The following TIMP2 variants were observed in gnomAD, a reference collection of about 807,000 sequenced individuals.
TIMP2 encodes TIMP metallopeptidase inhibitor 2, also known as metalloproteinase inhibitor 2.
In TIMP2, 5 loss-of-function variants were observed where a neutral mutation model predicts 24.3. That is an observed-to-expected ratio of 0.21 (90% CI 0.11 to 0.43). The LOEUF is 0.43. TIMP2 is among the 20% of genes least tolerant of loss of function. The pLI is 1.00. For missense variants in TIMP2, 221 were observed against 297.5 expected, an observed-to-expected ratio of 0.74 and a Z score of 1.89; for synonymous variants, 130 against 123.2, an observed-to-expected ratio of 1.06 and a Z score of -0.37.
chr17:78,869,247 T>C (rs2069647672), intron 3 of TIMP2, among the ~76,000 whole-genome samples: 1 of 150,762 alleles, frequency 6.6e-6, no homozygotes, highest in Non-Finnish European at 1.5e-5. Flanking sequence ...ATGGTGAGAC[T>C]TCTTTACCAA....
intron 1 of TIMP2, among the ~76,000 whole-genome samples, chr17:78,879,949 C>T (rs1033093848): frequency 1.3e-5 from 2 of 151,864 alleles, no homozygotes; most frequent in South Asian, 2.1e-4. Context: ...AAACCAAGGT[C>T]GCGGGAGACG....
Position 78,918,797 on chromosome 17 carries a change from G to A in TIMP2, c.130+6162C>T, listed in dbSNP as rs1014459648. Among the ~76,000 whole-genome samples the A allele has an allele frequency of 1.1e-4, 16 of 152,196 alleles. No individual in the cohort carries two copies. The East Asian group carries it at 2.7e-3, about 26-fold the overall frequency. On this transcript the variant is annotated intron_variant, in intron 1 of 4. Transcript: ENST00000262768. ...GCAGATCACTTGAGCTCAGGAGTTC[G>A]AGACCAGCCTGGGCAACATGGCGAA...
intron 3 of TIMP2, among the ~76,000 whole-genome samples, chr17:78,859,949 G>A (rs959443793): frequency 2.6e-5 from 4 of 152,152 alleles, no homozygotes; most frequent in Admixed American, 1.3e-4. Context: ...AAGAGGTCAT[G>A]CCACTACATT....
chr17:78,868,819 GCAGAAAGCTCTTTGAGCC>G (rs1400088143), intron 3 of TIMP2, among the ~76,000 whole-genome samples: 1 of 152,164 alleles, frequency 6.6e-6, no homozygotes, highest in Non-Finnish European at 1.5e-5. Flanking sequence ...TTCCATCACT[GCAGAAAGCTCTTTGAGCC>G]CAGTGGTTCT....
intron 1 of TIMP2, among the ~76,000 whole-genome samples, chr17:78,901,633 A>G (rs1006648554): frequency 6.6e-6 from 1 of 152,166 alleles, no homozygotes; most frequent in Non-Finnish European, 1.5e-5. Context: ...TAAGAGTACT[A>G]TGTGACCTAG....
At chr17:78,911,816 C>T (rs962679011) in intron 1 of TIMP2, among the ~76,000 whole-genome samples, 1 of 148,156 alleles carries the variant, frequency 6.7e-6, no homozygotes, top group Admixed American at 6.9e-5. Flanking sequence ...GAGGCCATGG[C>T]GGGTGGATCA....
chr17:78,857,134 G>A (rs747993439), intron 4 of TIMP2: 2 of 210,718 alleles, frequency 9.5e-6, no homozygotes, highest in Admixed American at 5.2e-5. Flanking sequence ...GATCACAGGC[G>A]TGCACCACCT....
At chr17:78,908,158 G>GCC (rs1277817969) in intron 1 of TIMP2, among the ~76,000 whole-genome samples, 1 of 152,008 alleles carries the variant, frequency 6.6e-6, no homozygotes, top group Non-Finnish European at 1.5e-5. Flanking sequence ...AAAAGAAAAA[G>GCC]CTATACCATG....
At chr17:78,917,681 A>G (rs1568009193) in intron 1 of TIMP2, among the ~76,000 whole-genome samples, 2 of 152,144 alleles carry the variant, frequency 1.3e-5, no homozygotes, top group Admixed American at 6.5e-5. Flanking sequence ...CGTCTTCCCC[A>G]TGGAAGACAA....
chr17:78,890,974 C>T (rs1644656880), intron 1 of TIMP2: 1 of 1,551,084 alleles, frequency 6.4e-7, no homozygotes, highest in African/African-American at 1.4e-5. Flanking sequence ...GTCTTCTCTG[C>T]TCCATCTCTG....
chr17:78,855,596 G>A lies in TIMP2; in HGVS notation c.*71C>T. On this transcript the variant is annotated 3_prime_UTR_variant, in exon 5 of 5. Transcript: ENST00000262768. This position sits in a 1 kb window ranked among gnomAD's most constrained non-coding sequence, Gnocchi z 6.0. ...ATTCATGCTGTTTCCAGGAAGGGAT[G>A]TCAGAGCTGGACCAGTCGAAACCCT... 1.3e-6 allele frequency: 2 copies of A among 1,531,248 alleles called. No homozygotes were observed. Among genetic ancestry groups the A allele is most frequent in the Non-Finnish European group, 1.8e-6 (2 of 1,122,634 alleles). The allele number at this position is 1,531,248 out of a possible 1,614,324, so 94.9% of individuals were successfully genotyped here.
In TIMP2 at chr17:78,891,079, G is replaced by A. The variant is rs1419127487; in HGVS notation, c.131-17160C>T. The stretch of plus-strand genomic sequence containing the variant: ...AGCCCTCTGCCAGCGTGCCCAGTTT[G>A]GGGGTCTCTTGTCCAGATTCAGTGC... On this transcript the variant is annotated intron_variant, in intron 1 of 4. Transcript: ENST00000262768. This position sits in a 1 kb window ranked among gnomAD's most constrained non-coding sequence, Gnocchi z 4.5. 18 of 1,550,966 alleles carry A rather than the reference G, an allele frequency of 1.2e-5. No individual in the cohort carries two copies. Among genetic ancestry groups the A allele is most frequent in the Non-Finnish European group, 1.6e-5 (18 of 1,147,070 alleles).
chr17:78,871,449 CAAAAAAAA>C (rs749440079), intron 2 of TIMP2, among the ~76,000 whole-genome samples: 12 of 122,584 alleles, frequency 9.8e-5, no homozygotes, highest in African/African-American at 3.7e-4. Flanking sequence ...AAGACTCCGT[CAAAAAAAA>C]AAAAAAAAAA....
chr17:78,925,031 G>T lies in TIMP2; in HGVS notation c.58C>A (p.Leu20Met). ...LALGLLLLAT[L>M]LRPADACSCS... ...CTGCAGGCGTCGGCCGGGCGAAGCA[G>T]CGTCGCCAGCAGCAGGAGGCCGAGC... Residue 20 changes from leucine (L) to methionine (M), a missense_variant, in exon 1 of 5, where the codon CTG becomes ATG. By Grantham distance (15) the Leu-to-Met change is conservative. Transcript: ENST00000262768. 7.9e-7 allele frequency: 1 copy of T among 1,259,402 alleles called. No homozygotes were observed. The highest frequency in any genetic ancestry group is 2.6e-5 in the South Asian group (1 of 39,176). The allele number at this position is 1,259,402 out of a possible 1,614,324, so 78.0% of individuals were successfully genotyped here.
intron 1 of TIMP2, among the ~76,000 whole-genome samples, chr17:78,907,367 A>G (rs2070169705): frequency 6.6e-6 from 1 of 152,146 alleles, no homozygotes; most frequent in Non-Finnish European, 1.5e-5. Context: ...GCCTAATTTC[A>G]ATATTGTTGT....
rs2070332529 is a variant in TIMP2, at chr17:78,924,340, G to C, written c.130+619C>G. ...CGGTCCCTGCCCAGCCAGTTTGCAGGGCCTCCTGGGCAGGGCGCAAGCAAG... is the reference window on the plus strand; with the variant it reads ...CGGTCCCTGCCCAGCCAGTTTGCAGCGCCTCCTGGGCAGGGCGCAAGCAAG... On this transcript the variant is annotated intron_variant, in intron 1 of 4. Transcript: ENST00000262768. The surrounding 1 kb of genome is among the most constrained non-coding windows in gnomAD (Gnocchi z 5.3). Among the ~76,000 whole-genome samples, 1 of 152,184 alleles carries C rather than the reference G, an allele frequency of 6.6e-6. No homozygotes were observed. Among genetic ancestry groups the C allele is most frequent in the Non-Finnish European group, 1.5e-5 (1 of 68,032 alleles).
chr17:78,916,881 T>C (rs1754244086), intron 1 of TIMP2, among the ~76,000 whole-genome samples: 1 of 152,160 alleles, frequency 6.6e-6, no homozygotes. Context: ...CCCCAGGACC[T>C]TTCCTCGGGG....
intron 3 of TIMP2, among the ~76,000 whole-genome samples, chr17:78,859,212 T>C (rs1035862646): frequency 1.3e-5 from 2 of 152,240 alleles, no homozygotes; most frequent in African/African-American, 4.8e-5. Context: ...GGCTTCTTTC[T>C]GTACTTCCGG....
At chr17:78,908,272 G>A (rs2070179064) in intron 1 of TIMP2, among the ~76,000 whole-genome samples, 1 of 152,184 alleles carries the variant, frequency 6.6e-6, no homozygotes, top group Non-Finnish European at 1.5e-5. Flanking sequence ...AGACGGAGAT[G>A]AATATCCTTC....
Sources: gnomAD v4.1 joint callset for allele counts (sites outside exome capture counted in the v4.1 genomes callset) on GRCh38, gnomAD v4.1.1 for gene constraint, Gnocchi (gnomAD v3.1) non-coding constraint, MANE v1.5 for transcripts, NCBI Gene and HGNC (gene_info 2026-07-23, HGNC 2026-07-21) for gene names.